The following PHTF1 variants were observed in gnomAD, a reference collection of about 807,000 sequenced individuals.
PHTF1 encodes the protein protein PHTF1.
A neutral mutation model predicts 102.4 loss-of-function variants in PHTF1; 88 were observed. The observed-to-expected ratio is 0.86, with a 90% CI of 0.72 to 1.03. The LOEUF (loss-of-function observed/expected upper bound fraction) is 1.03. Among genes scored for constraint, PHTF1 ranks in the 50% least tolerant of loss-of-function variants. The pLI is 0.00. For synonymous variants in PHTF1, 289 were observed against 305.2 expected, an observed-to-expected ratio of 0.95 and a Z score of 0.55; for missense variants, 814 against 909.5, an observed-to-expected ratio of 0.89 and a Z score of 1.35.
At chr1:113,706,851 C>CTTTTTTTTTTTTTTTT (rs11363653) in intron 11 of PHTF1, 129 bp from the exon 12 acceptor site, 2 of 217,656 alleles carry the variant, frequency 9.2e-6, no homozygotes, top group Non-Finnish European at 1.6e-5. Context: ...TTCTTTCTTT[C>CTTTTTTTTTTTTTTTT]TTTTTTTTTT....
intron 18 of PHTF1, among the ~76,000 whole-genome samples, chr1:113,698,051 CTGTTA>C (rs766109228): frequency 5.3e-5 from 8 of 152,184 alleles, no homozygotes; most frequent in Non-Finnish European, 8.8e-5. Flanking sequence ...AGAGCACTGT[CTGTTA>C]TATTTGTGTA....
At chr1:113,740,478 A>T (rs1306980288) in intron 3 of PHTF1, among the ~76,000 whole-genome samples, 1 of 152,132 alleles carries the variant, frequency 6.6e-6, no homozygotes, top group Non-Finnish European at 1.5e-5. Context: ...CCCTTTTCAG[A>T]TGAAAAGTTT....
Position 113,704,067 on chromosome 1 carries a change from T to C in PHTF1, c.1890+14A>G, listed in dbSNP as rs774277391. The C allele has an allele frequency of 2.6e-6, 4 of 1,562,126 alleles. No individual in the cohort carries two copies. Among genetic ancestry groups the C allele is most frequent in the Non-Finnish European group, 3.5e-6 (4 of 1,133,034 alleles). On this transcript the variant is annotated intron_variant, in intron 15 of 18. Transcript: ENST00000369604. ...AATTTTCATTTTTCCTTAAAGCAGA[T>C]GTGAAACTTTTACCTGAGCACAACA...
At chr1:113,755,639 T>A (rs929313791) in intron 3 of PHTF1, among the ~76,000 whole-genome samples, 4 of 152,162 alleles carry the variant, frequency 2.6e-5, no homozygotes, top group Non-Finnish European at 4.4e-5. Flanking sequence ...AATCAAGATG[T>A]TCTAAGAGTA....
intron 18 of PHTF1, among the ~76,000 whole-genome samples, 178 bp downstream of exon 18, chr1:113,698,084 C>G (rs1434959843): frequency 6.6e-6 from 1 of 151,942 alleles, no homozygotes; most frequent in Non-Finnish European, 1.5e-5. Context: ...AAAACTGAAG[C>G]TGAAAAGCCT....
chr1:113,746,066 C>A (rs534149645), intron 3 of PHTF1, among the ~76,000 whole-genome samples: 7 of 152,264 alleles, frequency 4.6e-5, no homozygotes, highest in Non-Finnish European at 1.0e-4. Context: ...CTAAAGCAGA[C>A]ACAGACATTG....
At chr1:113,754,812 C>T (rs1658602435) in intron 3 of PHTF1, among the ~76,000 whole-genome samples, 1 of 152,154 alleles carries the variant, frequency 6.6e-6, no homozygotes, top group African/African-American at 2.4e-5. Context: ...AGAATAGTAT[C>T]TAAAGTTCTT....
chr1:113,713,671 C>A (rs1651520617), intron 7 of PHTF1: 1 of 441,726 alleles, frequency 2.3e-6, no homozygotes, highest in Non-Finnish European at 4.0e-6. Flanking sequence ...TGAAAGGAAG[C>A]ATATACTTTT....
intron 7 of PHTF1, among the ~76,000 whole-genome samples, chr1:113,720,969 G>A (rs1288060786): frequency 6.6e-6 from 1 of 152,190 alleles, no homozygotes; most frequent in Non-Finnish European, 1.5e-5. Context: ...GGAGGGATGT[G>A]GTGGCACATG....
Position 113,729,741 on chromosome 1 carries a change from C to T in PHTF1, c.332-3167G>A, listed in dbSNP as rs532398017. On this transcript the variant is annotated intron_variant, in intron 5 of 18. Transcript: ENST00000369604. Reference sequence around the variant, plus strand: ...CTGGTCACACCAAAAAGACCAACTACGTGATTAAAGGCTTGGGTCTTTGAG... The same window carrying T: ...CTGGTCACACCAAAAAGACCAACTATGTGATTAAAGGCTTGGGTCTTTGAG... 4.6e-5 allele frequency among the ~76,000 whole-genome samples: 7 copies of T among 152,226 alleles called. No homozygotes were observed. The South Asian group carries it at 6.2e-4, about 14-fold the overall frequency.
intron 3 of PHTF1, among the ~76,000 whole-genome samples, chr1:113,742,403 C>T (rs1448511624): frequency 6.6e-6 from 1 of 152,118 alleles, no homozygotes; most frequent in Non-Finnish European, 1.5e-5. Context: ...GCAGGAGGAT[C>T]ACCTGAGGTC....
In PHTF1 at chr1:113,700,723, C is replaced by A. The variant is rs541642380; in HGVS notation, c.2046+71G>T. ...CTAGACAGTGATTAAACCCTGAATC[C>A]TCTGCAGGAACCTTACAGCGTATTA... is the stretch of plus-strand genomic sequence containing the variant. On this transcript the variant is annotated intron_variant, in intron 16 of 18. Transcript: ENST00000369604. 21 of 1,415,424 alleles carry A rather than the reference C, an allele frequency of 1.5e-5. No individual in the cohort carries two copies. The African/African-American group carries it at 2.9e-4, about 19-fold the overall frequency. The allele number at this position is 1,415,424 out of a possible 1,614,324, so 87.7% of individuals were successfully genotyped here. A position where few individuals can be genotyped will look rare whatever the true frequency, so the allele number is the denominator to read the frequency against.
At chr1:113,750,002 GTTT>G (rs888126950) in intron 3 of PHTF1, among the ~76,000 whole-genome samples, 1 of 146,292 alleles carries the variant, frequency 6.8e-6, no homozygotes, top group Non-Finnish European at 1.5e-5. Context: ...TTTTGTTTTT[GTTT>G]TTTTTTCAGG....
chr1:113,704,089 A>G lies in PHTF1; in HGVS notation c.1882T>C (p.Cys628Arg). 6.2e-7 allele frequency: 1 copy of G among 1,609,832 alleles called. No individual in the cohort carries two copies. Among genetic ancestry groups the G allele is most frequent in the Non-Finnish European group, 8.5e-7 (1 of 1,176,084 alleles). Reference sequence around the variant, plus strand: ...AGATGTGAAACTTTTACCTGAGCACAACAAATGAAAGCAATCGAAAGTGTC... The same window carrying G: ...AGATGTGAAACTTTTACCTGAGCACGACAAATGAAAGCAATCGAAAGTGTC... ...LLTLSIAFIC[C>R]AQVLQGHKTF... Residue 628 changes from cysteine to arginine, a missense_variant, in exon 15 of 19, where the codon TGT becomes CGT. By Grantham distance (180) the Cys-to-Arg change is radical. Transcript: ENST00000369604.
At chr1:113,733,008 C>T (rs574504341) in intron 5 of PHTF1, among the ~76,000 whole-genome samples, 2 of 151,524 alleles carry the variant, frequency 1.3e-5, no homozygotes, top group South Asian at 4.2e-4. Context: ...GTGATCCTCC[C>T]ACCTCAGCCT....
intron 11 of PHTF1, among the ~76,000 whole-genome samples, chr1:113,708,273 C>G (rs1650508936): frequency 2.0e-5 from 3 of 152,158 alleles, no homozygotes; most frequent in Admixed American, 6.5e-5. Context: ...TGACCAGAAA[C>G]AGAGAGATGC....
intron 2 of PHTF1, among the ~76,000 whole-genome samples, chr1:113,758,352 G>A (rs1325015073): frequency 6.6e-6 from 1 of 151,844 alleles, no homozygotes; most frequent in Non-Finnish European, 1.5e-5. Context: ...TCTGAGCTGT[G>A]CACATACAGG....
At chr1:113,708,685 G>A (rs1650588089) in intron 11 of PHTF1, among the ~76,000 whole-genome samples, 1 of 152,052 alleles carries the variant, frequency 6.6e-6, no homozygotes, top group Admixed American at 6.6e-5. Context: ...TGGGTGGGTA[G>A]TGTGGTATTA....
chr1:113,742,551 G>T (rs551758083), intron 3 of PHTF1, among the ~76,000 whole-genome samples: 8 of 152,224 alleles, frequency 5.3e-5, no homozygotes, highest in Admixed American at 2.6e-4. Flanking sequence ...AGCCCGGGAG[G>T]CTGAGGTTGC....
Sources: allele counts gnomAD v4.1 joint callset (sites outside exome capture counted in the v4.1 genomes callset), GRCh38; gene constraint gnomAD v4.1.1; transcripts MANE v1.5; gene names NCBI Gene and HGNC (gene_info 2026-07-23, HGNC 2026-07-21).